The following NIT2 variants were observed in gnomAD, a reference collection of about 807,000 sequenced individuals.
NIT2 encodes nitrilase family member 2.
Under a neutral mutation model 42.7 loss-of-function variants are expected in NIT2, and 46 were observed. That is an observed-to-expected ratio of 1.08 (90% confidence interval 0.85 to 1.38). The LOEUF (loss-of-function observed/expected upper bound fraction) is 1.38, where lower values mean the gene tolerates loss of function less well. NIT2 is among the 40% of genes most tolerant of loss of function. NIT2 has a pLI of 0.00. For synonymous variants in NIT2, 123 were observed against 121.9 expected (o/e 1.01, Z -0.06); for missense variants, 309 against 342.5 (o/e 0.90, Z 0.77).
intron 6 of NIT2, among the ~76,000 whole-genome samples, chr3:100,346,882 C>T (rs1447827277): frequency 6.6e-6 from 1 of 152,076 alleles, no homozygotes; most frequent in Non-Finnish European, 1.5e-5. Flanking sequence ...TGTCACTTAA[C>T]CAAGTGAAGT....
At chr3:100,337,624 T>C (rs951847618) in intron 1 of NIT2, among the ~76,000 whole-genome samples, 2 of 152,134 alleles carry the variant, frequency 1.3e-5, no homozygotes, top group Non-Finnish European at 2.9e-5. Flanking sequence ...TGGCTAATTT[T>C]TGTATTTTTA....
chr3:100,344,898 C>A lies in NIT2; in HGVS notation c.337-687C>A, dbSNP rs994302346. Among the ~76,000 whole-genome samples the A allele has an allele frequency of 1.3e-4, 19 of 150,718 alleles. No individual in the cohort carries two copies. In the South Asian group the frequency reaches 1.5e-3, roughly 12 times the overall value. ...TGACCTCAGGTGATTTTTAAATGCC[C>A]ACCTACTTTCCACCTCTCCTGTCAA... On this transcript the variant is annotated intron_variant, in intron 4 of 9. Transcript: ENST00000394140.
At chr3:100,343,706 T>C (rs1706180231) in intron 4 of NIT2, among the ~76,000 whole-genome samples, 1 of 152,208 alleles carries the variant, frequency 6.6e-6, no homozygotes, top group Non-Finnish European at 1.5e-5. Context: ...CTATTAGGCC[T>C]TTAAAAGGCC....
At chr3:100,342,251 T>G (rs1463640336) in intron 4 of NIT2, among the ~76,000 whole-genome samples, 26 of 152,186 alleles carry the variant, frequency 1.7e-4, no homozygotes, top group Admixed American at 1.7e-3. Flanking sequence ...TCAAGCTATA[T>G]GTGTTTTTAT....
intron 6 of NIT2, among the ~76,000 whole-genome samples, chr3:100,348,035 C>T (rs987096651): frequency 6.6e-5 from 10 of 152,104 alleles, no homozygotes; most frequent in African/African-American, 1.4e-4. Flanking sequence ...GGATTATAGG[C>T]GCTCGCCACC....
rs1706333810 is a variant in NIT2, at chr3:100,357,402, T to C, written c.*2134T>C. ...TCTTACTGTAAAGCCCACATCTGTA[T>C]AAAAAAATGAAAGAATGATCTGGTT... is the stretch of plus-strand genomic sequence containing the variant. On this transcript the variant is annotated 3_prime_UTR_variant, in exon 10 of 10. Coordinates refer to ENST00000394140, the MANE Select transcript of NIT2 (RefSeq NM_020202.5). 1.3e-5 allele frequency: 2 copies of C among 152,108 alleles called. No homozygotes were observed. The highest frequency in any genetic ancestry group is 2.9e-5 in the Non-Finnish European group (2 of 68,014). 9.4% of individuals were successfully genotyped at this position (152,108 alleles called of 1,614,324 possible).
At chr3:100,343,630 CTTAG>C (rs1003578494) in intron 4 of NIT2, among the ~76,000 whole-genome samples, 5 of 152,094 alleles carry the variant, frequency 3.3e-5, no homozygotes, top group South Asian at 2.1e-4. Context: ...CAGTGTTGAG[CTTAG>C]TTAGTTTCTA....
chr3:100,336,836 CCTTCCTCTT>C (rs1706081017), intron 1 of NIT2, among the ~76,000 whole-genome samples: 1 of 152,154 alleles, frequency 6.6e-6, no homozygotes, highest in African/African-American at 2.4e-5. Flanking sequence ...AAGAGGCGTT[CCTTCCTCTT>C]GCACTAATCC....
Position 100,352,372 on chromosome 3 carries a change from C to G in NIT2, c.585-32C>G, listed in dbSNP as rs2289507. On this transcript the variant is annotated intron_variant, in intron 7 of 9. Coordinates refer to ENST00000394140, the MANE Select transcript of NIT2 (RefSeq NM_020202.5). The stretch of plus-strand genomic sequence containing the variant: ...AGAAAAATGTCAGATTTATAATGTA[C>G]GATTTACCTCTTTCCTGTCTATTGA... 42 of 1,524,232 alleles carry G rather than the reference C, an allele frequency of 2.8e-5. No homozygotes were observed. In the South Asian group the frequency reaches 2.9e-4, roughly 11 times the overall value. The allele number at this position is 1,524,232 out of a possible 1,614,324, so 94.4% of individuals were successfully genotyped here.
intron 1 of NIT2, among the ~76,000 whole-genome samples, chr3:100,335,965 T>C (rs1264347718): frequency 6.6e-6 from 1 of 152,188 alleles, no homozygotes; most frequent in African/African-American, 2.4e-5. Flanking sequence ...GTTTAGTGGA[T>C]TTATCTGCTG....
At chr3:100,345,266 G>A (rs1320629080) in intron 4 of NIT2, among the ~76,000 whole-genome samples, 1 of 152,146 alleles carries the variant, frequency 6.6e-6, no homozygotes, top group Non-Finnish European at 1.5e-5. Context: ...GCCTGATTCT[G>A]AGAAGTCTTT....
intron 7 of NIT2, among the ~76,000 whole-genome samples, chr3:100,351,175 A>G (rs1706268587): frequency 6.6e-6 from 1 of 152,202 alleles, no homozygotes; most frequent in African/African-American, 2.4e-5. Flanking sequence ...ATATGTGTGC[A>G]TGTGTCTTTA....
rs1441499184 is a variant in NIT2, at chr3:100,357,057, TTAA to T, written c.*1794_*1796del. ...CTTGGAGATTCATCTGGTATGTGCA[TTAA>T]TAATTCATAATTCATTCCTTTTTTA... On this transcript the variant is annotated 3_prime_UTR_variant, in exon 10 of 10. Transcript: ENST00000394140. 1 of 152,222 alleles carries T rather than the reference TTAA, an allele frequency of 6.6e-6. No individual in the cohort carries two copies. The highest frequency in any genetic ancestry group is 2.4e-5 in the African/African-American group (1 of 41,452). 9.4% of individuals were successfully genotyped at this position (152,222 alleles called of 1,614,324 possible).
intron 1 of NIT2, among the ~76,000 whole-genome samples, chr3:100,336,057 A>G (rs191307050): frequency 1.1e-3 from 171 of 152,336 alleles, no homozygotes; most frequent in South Asian, 7.7e-3. Flanking sequence ...TTCAGATTCT[A>G]TAACTATTTA....
At chr3:100,345,530 A>T in intron 4 of NIT2, 55 bp from the exon 5 acceptor site, 1 of 1,176,108 alleles carries the variant, frequency 8.5e-7, no homozygotes, top group African/African-American at 1.5e-5. Context: ...TATTGTCATT[A>T]CTGCCATGGA....
chr3:100,338,967 T>C (rs1192135409), intron 1 of NIT2, 120 bp from the exon 2 acceptor site: 1 of 747,386 alleles, frequency 1.3e-6, no homozygotes, highest in Non-Finnish European at 2.4e-6. Context: ...CAAAGGTATC[T>C]TCAGACATTG....
At chr3:100,341,015 C>G (rs1318376997) in intron 3 of NIT2, 58 bp from the exon 4 acceptor site, 1 of 1,179,732 alleles carries the variant, frequency 8.5e-7, no homozygotes, top group Non-Finnish European at 1.3e-6. Context: ...TTATCCCTTT[C>G]TCACAAAAGA....
intron 7 of NIT2, among the ~76,000 whole-genome samples, chr3:100,350,286 G>A (rs554829655): frequency 1.3e-5 from 2 of 152,342 alleles, no homozygotes; most frequent in East Asian, 3.9e-4. Flanking sequence ...CTGGGATACT[G>A]AGATGACCCA....
chr3:100,334,874 C>G, intron 1 of NIT2, 76 bp downstream of exon 1: 1 of 1,228,236 alleles, frequency 8.1e-7, no homozygotes, highest in East Asian at 3.1e-5. Context: ...GGCGGTGGCT[C>G]GGCCGGCTCA....
Sources: allele counts gnomAD v4.1 joint callset (sites outside exome capture counted in the v4.1 genomes callset), GRCh38; gene constraint gnomAD v4.1.1; transcripts MANE v1.5; gene names NCBI Gene and HGNC (gene_info 2026-07-23, HGNC 2026-07-21).